NT5DC3: variants seen among roughly 807,000 people sequenced by gnomAD.
NT5DC3 encodes 5'-nucleotidase domain-containing protein 3.
Under a neutral mutation model 67.8 loss-of-function variants are expected in NT5DC3, and 42 were observed. That is an observed-to-expected ratio of 0.62 (90% confidence interval 0.48 to 0.80). The LOEUF (loss-of-function observed/expected upper bound fraction) is 0.80. Among genes scored for constraint, NT5DC3 ranks in the 30% least tolerant of loss-of-function variants. The probability of loss-of-function intolerance (pLI) is 0.00; values close to 1 mark genes in which losing one functional copy is unlikely to be tolerated. For synonymous variants in NT5DC3, 237 were observed against 255.6 expected, an observed-to-expected ratio of 0.93 and a Z score of 0.69; for missense variants, 570 against 696.4, an observed-to-expected ratio of 0.82 and a Z score of 2.04.
Position 103,841,121 on chromosome 12 carries a change from C to T in NT5DC3, c.36G>A (p.Gly12=). Residue 12 remains glycine (G), a synonymous_variant, in exon 1 of 14, where the codon GGG becomes GGA. Transcript: ENST00000392876. ...CCGCTGTCGCTGCCCTCGCCCCGGC[C>T]CCGCGTGCCACCACCGCCGCCGCTG... ...TMAAAAVVAR[G]AGARAATAAA... is the part of the protein sequence containing the mutation. 3.0e-6 allele frequency: 3 copies of T among 1,014,012 alleles called. No homozygotes were observed. The highest frequency in any genetic ancestry group is 3.9e-6 in the Non-Finnish European group (3 of 770,134). 62.8% of individuals were successfully genotyped at this position (1,014,012 alleles called of 1,614,324 possible). A position where few individuals can be genotyped will look rare whatever the true frequency, so the allele number is the denominator to read the frequency against.
chr12:103,793,025 T>C, intron 9 of NT5DC3, 139 bp downstream of exon 9: 1 of 680,416 alleles, frequency 1.5e-6, no homozygotes, highest in South Asian at 1.8e-5. Flanking sequence ...TCATGATTAC[T>C]TGCTAGAAGG....
chr12:103,781,969 T>C (rs1885571469), intron 12 of NT5DC3, among the ~76,000 whole-genome samples: 1 of 152,236 alleles, frequency 6.6e-6, no homozygotes, highest in South Asian at 2.1e-4. Context: ...GCCAGTGCAA[T>C]AGCCTACATC....
chr12:103,817,070 C>T (rs1326348222), intron 1 of NT5DC3, among the ~76,000 whole-genome samples: 2 of 145,494 alleles, frequency 1.4e-5, no homozygotes, highest in East Asian at 2.1e-4. Flanking sequence ...GCTAACAGGG[C>T]AAGACATCTC....
In NT5DC3 at chr12:103,813,153, GC is replaced by G. The variant is rs1566119263; in HGVS notation, c.393+1783del. Among the ~76,000 whole-genome samples the G allele has an allele frequency of 3.9e-5, 6 of 152,372 alleles. No individual in the cohort carries two copies. In the South Asian group the frequency reaches 6.2e-4, roughly 16 times the overall value. ...CATCAAAGTCACAGAAAACACTGCA[GC>G]TGACCTGGAACTGAAATGCCAGCAC... is the stretch of plus-strand genomic sequence containing the variant. On this transcript the variant is annotated intron_variant, in intron 2 of 13. Transcript: ENST00000392876.
At position 103,780,301 on chromosome 12, in the gene NT5DC3, G is replaced by A. The variant is rs753203809; in HGVS notation, c.1393C>T (p.Arg465Ter). Residue 465 changes from arginine (R) to a stop codon, truncating the protein, a stop_gained and splice_region_variant, in exon 13 of 14, where the codon CGA becomes TGA. Transcript: ENST00000392876. LOFTEE classifies it high-confidence loss of function. ...ACATTCAATACAGGCCTCTCTTACC[G>A]CATCTCCTTCCTTTCCTTTTTCCAC... ...QEWKKERKEM[R>*]EMTKSFFNAQ... 5.6e-6 allele frequency: 9 copies of A among 1,613,170 alleles called. No homozygotes were observed. The highest frequency in any genetic ancestry group is 3.3e-5 in the Admixed American group (2 of 60,022).
chr12:103,772,248 A>T (rs1885202380), downstream of NT5DC3: 1 of 152,300 alleles, frequency 6.6e-6, no homozygotes, highest in Non-Finnish European at 1.5e-5. Flanking sequence ...CTGTGGATTC[A>T]TCAGAATTTA....
the NT5DC3 span, among the ~76,000 whole-genome samples, chr12:103,764,819 C>CGGGTGCA: frequency 2.0e-5 from 3 of 151,922 alleles, no homozygotes. Flanking sequence ...AAGTTCGGGC[C>CGGGTGCA]GGGTGCAGTG....
chr12:103,776,145 C>CA lies in NT5DC3; in HGVS notation c.*1683dup, dbSNP rs1885331127. On this transcript the variant is annotated 3_prime_UTR_variant, in exon 14 of 14. Transcript: ENST00000392876. Reference sequence around the variant, plus strand: ...TAACAGCAGACATTCCCATAGCACTCAGAGAGTGCAGTAAATATGCACTTT... The same window carrying CA: ...TAACAGCAGACATTCCCATAGCACTCAAGAGAGTGCAGTAAATATGCACTTT... 1 of 152,144 alleles carries CA rather than the reference C, an allele frequency of 6.6e-6. No homozygotes were observed. Among genetic ancestry groups the CA allele is most frequent in the South Asian group, 2.1e-4 (1 of 4,824 alleles). The allele number at this position is 152,144 out of a possible 1,614,324, so 9.4% of individuals were successfully genotyped here.
chr12:103,793,712 T>C (rs901093437), intron 7 of NT5DC3, among the ~76,000 whole-genome samples, 200 bp from the exon 8 acceptor site: 19 of 152,152 alleles, frequency 1.2e-4, no homozygotes, highest in African/African-American at 4.6e-4. Context: ...TCGGTCTAAG[T>C]GGAAACAACT....
chr12:103,785,697 G>A lies in NT5DC3; in HGVS notation c.1189-222C>T, dbSNP rs899576525. On this transcript the variant is annotated intron_variant, in intron 11 of 13. Coordinates refer to ENST00000392876, the MANE Select transcript of NT5DC3 (RefSeq NM_001031701.3). ...AGTTTCAGTTCTGGAAATAATTGCCGTGAGTCACAACCCCTGCAGAAACAC... is the reference window on the plus strand; with the variant it reads ...AGTTTCAGTTCTGGAAATAATTGCCATGAGTCACAACCCCTGCAGAAACAC... 5.5e-5 allele frequency: 34 copies of A among 619,974 alleles called. No individual in the cohort carries two copies. The Middle Eastern group carries it at 1.0e-3, about 18-fold the overall frequency. The allele number at this position is 619,974 out of a possible 1,614,324, so 38.4% of individuals were successfully genotyped here.
At chr12:103,778,975 G>A (rs1295572424) in intron 13 of NT5DC3, among the ~76,000 whole-genome samples, 8 of 152,120 alleles carry the variant, frequency 5.3e-5, no homozygotes, top group East Asian at 1.9e-4. Context: ...AGCTGCTCCC[G>A]ATGGTACACA....
intron 13 of NT5DC3, among the ~76,000 whole-genome samples, chr12:103,778,410 A>G (rs11834013): frequency 0.066 from 10,104 of 152,234 alleles, 406 homozygotes; most frequent in Middle Eastern, 0.075. Context: ...GCACACCTGT[A>G]ATCCCAGCTA....
downstream of NT5DC3, chr12:103,766,659 C>T: frequency 3.3e-6 from 1 of 301,148 alleles, no homozygotes; most frequent in Non-Finnish European, 6.3e-6. Context: ...GTATCCCAGC[C>T]CCTAGCCCAG....
chr12:103,826,308 G>A (rs1232492922), intron 1 of NT5DC3, among the ~76,000 whole-genome samples: 1 of 152,222 alleles, frequency 6.6e-6, no homozygotes, highest in African/African-American at 2.4e-5. Context: ...CATGGCAAGG[G>A]AGAATTAAGG....
the NT5DC3 span, chr12:103,758,406 T>C: frequency 6.6e-7 from 1 of 1,511,156 alleles, no homozygotes; most frequent in East Asian, 2.3e-5. Context: ...AGCTCACAGA[T>C]CATCTGCAGA....
In NT5DC3 at chr12:103,775,002, C is replaced by A. The variant is rs1445548668; in HGVS notation, c.*2827G>T. On this transcript the variant is annotated 3_prime_UTR_variant, in exon 14 of 14. Coordinates refer to ENST00000392876, the MANE Select transcript of NT5DC3 (RefSeq NM_001031701.3). ...CTCCAGAATGGGCAACAGAGCGAGACCTTGCCTCAAAAAAAAAAAAAAAAA... is the reference window on the plus strand; with the variant it reads ...CTCCAGAATGGGCAACAGAGCGAGAACTTGCCTCAAAAAAAAAAAAAAAAA... 6 of 138,486 alleles carry A rather than the reference C, an allele frequency of 4.3e-5. 1 individual carries two copies. Among genetic ancestry groups the A allele is most frequent in the Admixed American group, 3.7e-4 (5 of 13,368 alleles). 8.6% of individuals were successfully genotyped at this position (138,486 alleles called of 1,614,324 possible).
intron 4 of NT5DC3, among the ~76,000 whole-genome samples, chr12:103,803,376 AC>A (rs1886663472): frequency 6.6e-6 from 1 of 152,254 alleles, no homozygotes; most frequent in Admixed American, 6.5e-5. Context: ...AACAACATTC[AC>A]CTGGCAATTT....
At chr12:103,795,977 G>A (rs920089338) in intron 6 of NT5DC3, among the ~76,000 whole-genome samples, 12 of 152,200 alleles carry the variant, frequency 7.9e-5, no homozygotes, top group African/African-American at 1.2e-4. Context: ...TGTTGCACAC[G>A]GTTTCACTTA....
chr12:103,801,861 C>T (rs998311515), intron 4 of NT5DC3, among the ~76,000 whole-genome samples: 1 of 152,204 alleles, frequency 6.6e-6, no homozygotes, highest in African/African-American at 2.4e-5. Flanking sequence ...CCCAGCAGCA[C>T]CACCCTATAT....
Sources: allele counts gnomAD v4.1 joint callset (sites outside exome capture counted in the v4.1 genomes callset), GRCh38; gene constraint gnomAD v4.1.1; transcripts MANE v1.5; gene names NCBI Gene and HGNC (gene_info 2026-07-23, HGNC 2026-07-21).